Variants in ZNF423 observed in about 807,000 individuals in gnomAD.
ZNF423 encodes zinc finger protein 423.
Under a neutral mutation model 95.8 loss-of-function variants are expected in ZNF423, and 12 were observed. The ratio of observed to expected loss-of-function variants is 0.13; its 90% CI spans 0.08 to 0.20. The LOEUF is 0.20. ZNF423 is among the 10% of genes least tolerant of loss of function. ZNF423 has a pLI of 1.00. For synonymous variants in ZNF423, 749 were observed against 711.9 expected, an observed-to-expected ratio of 1.05 and a Z score of -0.83; for missense variants, 1,316 against 1,737.1, an observed-to-expected ratio of 0.76 and a Z score of 4.31.
At chr16:49,572,146 C>G (rs1434945454) in intron 5 of ZNF423, among the ~76,000 whole-genome samples, 1 of 152,164 alleles carries the variant, frequency 6.6e-6, no homozygotes, top group Non-Finnish European at 1.5e-5. Flanking sequence ...GTGTCAGGCA[C>G]TGGACAGTGA....
In ZNF423 at chr16:49,525,415, C is replaced by T. The variant is rs1968564661; in HGVS notation, c.3681G>A (p.Glu1227=). Residue 1227 remains glutamate, a synonymous_variant, in exon 6 of 8, where the codon GAG becomes GAA. Coordinates refer to ENST00000563137, the MANE Select transcript of ZNF423 (RefSeq NM_001379286.1). ...SPAKLLCHLI[E]HSFEGMGGTF... ...TGCCGCCCATGCCCTCGAAGCTGTG[C>T]TCAATGAGGTGACAGAGGAGCTTGG... 1.2e-6 allele frequency: 2 copies of T among 1,614,084 alleles called. No homozygotes were observed. The highest frequency in any genetic ancestry group is 2.2e-5 in the East Asian group (1 of 44,876).
chr16:49,525,421 G>A lies in ZNF423; in HGVS notation c.3675C>T (p.Leu1225=), dbSNP rs778184241. The A allele has an allele frequency of 1.2e-6, 2 of 1,613,994 alleles. No homozygotes were observed. Among genetic ancestry groups the A allele is most frequent in the East Asian group, 2.2e-5 (1 of 44,892 alleles). The stretch of plus-strand genomic sequence containing the variant: ...CCATGCCCTCGAAGCTGTGCTCAAT[G>A]AGGTGACAGAGGAGCTTGGCCGGGG... ...FDSPAKLLCH[L]IEHSFEGMGG... The change falls in exon 6 of 8, where the codon CTC becomes CTT. Residue 1225 remains leucine, a synonymous_variant. Coordinates refer to ENST00000563137, the MANE Select transcript of ZNF423 (RefSeq NM_001379286.1).
intron 3 of ZNF423, among the ~76,000 whole-genome samples, chr16:49,677,287 A>AGAAGGGAAGGGAAGGGAAGG (rs2031122149): frequency 2.4e-5 from 2 of 82,404 alleles, no homozygotes; most frequent in South Asian, 6.7e-4. Flanking sequence ...AGAAGAGAAG[A>AGAAGGGAAGGGAAGGGAAGG]GAAGAGAAGA....
chr16:49,523,728 C>T lies in ZNF423; in HGVS notation c.3745G>A (p.Ala1249Thr). 6.2e-7 allele frequency: 1 copy of T among 1,613,386 alleles called. No homozygotes were observed. ...AAGATGTGCTGCTGCAACTTGTTGG[C>T]CTGGACGAAGACTAGACACAGACAC... is the stretch of plus-strand genomic sequence containing the variant. Reference protein sequence around the residue: ...CPVCFTVFVQANKLQQHIFAV... With the variant: ...CPVCFTVFVQTNKLQQHIFAV... The change falls in exon 7 of 8, where the codon GCC becomes ACC. Residue 1249 changes from alanine (A) to threonine (T), a missense_variant. Ala to Thr is a moderately conservative substitution (Grantham distance 58). Transcript: ENST00000563137.
At chr16:49,658,793 A>G (rs1363680247) in intron 3 of ZNF423, among the ~76,000 whole-genome samples, 2 of 152,186 alleles carry the variant, frequency 1.3e-5, no homozygotes, top group Non-Finnish European at 2.9e-5. Flanking sequence ...CCTAGGCATC[A>G]AGGCTGGGGC....
chr16:49,603,488 C>T lies in ZNF423; in HGVS notation c.3601+22682G>A, dbSNP rs540428219. On this transcript the variant is annotated intron_variant, in intron 5 of 7. Coordinates refer to ENST00000563137, the MANE Select transcript of ZNF423 (RefSeq NM_001379286.1). The surrounding 1 kb of genome is among the most constrained non-coding windows in gnomAD (Gnocchi z 4.1). ...GCAGTGGTGTGATCTCAGCTTGCTG[C>T]GACCTCCGCCTCCCGGGTTCAAGTG... 6.6e-5 allele frequency among the ~76,000 whole-genome samples: 10 copies of T among 152,252 alleles called. No individual in the cohort carries two copies. Among genetic ancestry groups the T allele is most frequent in the Non-Finnish European group, 1.0e-4 (7 of 68,010 alleles).
intron 2 of ZNF423, chr16:49,780,579 C>G (rs781211640): frequency 1.3e-5 from 2 of 152,300 alleles, no homozygotes; most frequent in Non-Finnish European, 2.9e-5. Context: ...CAGCTCCAGT[C>G]ACCACCTGAC....
At chr16:49,497,551 C>A (rs576111432) in intron 7 of ZNF423, among the ~76,000 whole-genome samples, 1 of 152,198 alleles carries the variant, frequency 6.6e-6, no homozygotes, top group Non-Finnish European at 1.5e-5. Flanking sequence ...CCTGCTCTCC[C>A]GGCCCCACCT....
At chr16:49,777,577 C>G (rs1406428006) in intron 2 of ZNF423, among the ~76,000 whole-genome samples, 1 of 152,196 alleles carries the variant, frequency 6.6e-6, no homozygotes, top group Non-Finnish European at 1.5e-5. Context: ...TGGTGTGTCG[C>G]TGCAATGACA....
chr16:49,812,048 C>T lies in ZNF423; in HGVS notation c.41-22502G>A, dbSNP rs372124463. Among the ~76,000 whole-genome samples the T allele has an allele frequency of 1.5e-3, 224 of 152,362 alleles. 2 individuals carry two copies. Among genetic ancestry groups the T allele is most frequent in the Non-Finnish European group, 2.8e-3 (189 of 68,036 alleles). On this transcript the variant is annotated intron_variant, in intron 1 of 7. Coordinates refer to ENST00000563137, the MANE Select transcript of ZNF423 (RefSeq NM_001379286.1). ...TCTGGTGCCACCACAATCAAAACTC[C>T]GCTGAGCACCGGTGACTAGGCGGGG...
chr16:49,732,645 C>CG (rs1329973798), intron 2 of ZNF423, among the ~76,000 whole-genome samples: 2 of 152,200 alleles, frequency 1.3e-5, no homozygotes, highest in African/African-American at 4.8e-5. Flanking sequence ...CCCCTGAGGG[C>CG]GGGCGCCAAA....
chr16:49,620,132 TACAC>T (rs56739115), intron 5 of ZNF423, among the ~76,000 whole-genome samples: 3,824 of 143,822 alleles, frequency 0.027, 146 homozygotes, highest in African/African-American at 0.09. Context: ...CTCTCTCTTC[TACAC>T]ACACACACAC....
chr16:49,587,934 T>A (rs1970893287), intron 5 of ZNF423, among the ~76,000 whole-genome samples: 1 of 152,158 alleles, frequency 6.6e-6, no homozygotes, highest in African/African-American at 2.4e-5. Context: ...ACATATCTAT[T>A]CCCACGCACA....
chr16:49,724,609 C>T (rs1030896666), intron 3 of ZNF423, among the ~76,000 whole-genome samples: 13 of 152,336 alleles, frequency 8.5e-5, no homozygotes, highest in African/African-American at 1.4e-4. Flanking sequence ...AAAAGGCAAG[C>T]GCTGGCCAGC....
intron 5 of ZNF423, among the ~76,000 whole-genome samples, chr16:49,599,080 TACACATGTGTGTGCACACACATAGAC>T (rs1356785443): frequency 6.6e-6 from 1 of 152,164 alleles, no homozygotes; most frequent in Non-Finnish European, 1.5e-5. Flanking sequence ...TCCCTAACTG[TACACATGTGTGTGCACACACATAGAC>T]ACACACAGAC....
intron 3 of ZNF423, among the ~76,000 whole-genome samples, chr16:49,689,887 TC>T (rs953677125): frequency 4.6e-5 from 7 of 152,010 alleles, no homozygotes; most frequent in African/African-American, 1.7e-4. Flanking sequence ...CCTGAAAGGC[TC>T]CCAGGCAGTG....
At chr16:49,663,444 T>A (rs1414946172) in intron 3 of ZNF423, among the ~76,000 whole-genome samples, 1 of 151,786 alleles carries the variant, frequency 6.6e-6, no homozygotes, top group Non-Finnish European at 1.5e-5. Context: ...TAGTCTGGCA[T>A]TCAGTACTTC....
rs79397719 is a variant in ZNF423 at position 49,624,860 on chromosome 16, G to A, written c.3601+1310C>T. On this transcript the variant is annotated intron_variant, in intron 5 of 7. Transcript: ENST00000563137. The stretch of plus-strand genomic sequence containing the variant: ...TGTTGGTGGTAAGGGAGGGCCTGAA[G>A]GAGCCCAAGAGGGAAGCTTCTGAAA... 6.7e-3 allele frequency among the ~76,000 whole-genome samples: 1,023 copies of A among 152,296 alleles called. 10 individuals are homozygous for A. Among genetic ancestry groups the A allele is most frequent in the African/African-American group, 0.023 (956 of 41,548 alleles).
At chr16:49,720,369 A>G (rs1353971879) in intron 3 of ZNF423, among the ~76,000 whole-genome samples, 1 of 152,138 alleles carries the variant, frequency 6.6e-6, no homozygotes, top group African/African-American at 2.4e-5. Context: ...GCCAGAAAAC[A>G]TGGGTGCCCT....
Sources: allele counts gnomAD v4.1 joint callset (sites outside exome capture counted in the v4.1 genomes callset), GRCh38; gene constraint gnomAD v4.1.1; non-coding constraint Gnocchi (gnomAD v3.1); transcripts MANE v1.5; gene names NCBI Gene and HGNC (gene_info 2026-07-23, HGNC 2026-07-21).